The following THSD7B variants were observed in gnomAD, a reference collection of about 807,000 sequenced individuals.
THSD7B encodes thrombospondin type-1 domain-containing protein 7B.
In THSD7B, 138 loss-of-function variants were observed where a neutral mutation model predicts 213.6. The observed-to-expected ratio is 0.65, with a 90% CI of 0.56 to 0.74. The LOEUF is 0.74. Ranked by LOEUF, THSD7B falls within the 30% of genes least tolerant of loss-of-function variation. The pLI, the probability that THSD7B is intolerant of heterozygous loss-of-function variation, is 0.00. For synonymous variants in THSD7B, 742 were observed against 687.0 expected (o/e 1.08, Z -1.25); for missense variants, 1,931 against 1,991.5 (o/e 0.97, Z 0.58).
chr2:136,898,300 A>G (rs979556257), intron 2 of THSD7B, among the ~76,000 whole-genome samples: 1 of 152,204 alleles, frequency 6.6e-6, no homozygotes, highest in East Asian at 1.9e-4. Context: ...TTCAGTTTGA[A>G]TAGAGTTTTT....
chr2:136,779,194 ATATATGTGTGTG>A (rs1160237075), intron 1 of THSD7B, among the ~76,000 whole-genome samples: 29 of 76,690 alleles, frequency 3.8e-4, no homozygotes, highest in East Asian at 2.1e-3. Flanking sequence ...GGCTATATAT[ATATATGTGTGTG>A]TGTGTGTGTG....
intron 14 of THSD7B, among the ~76,000 whole-genome samples, chr2:137,434,665 C>G (rs77439907): frequency 0.034 from 5,180 of 152,276 alleles, 128 homozygotes; most frequent in Non-Finnish European, 0.048. Flanking sequence ...CACACTGAGT[C>G]TTTGCTTTAC....
At chr2:137,209,911 G>C (rs1681062973) in intron 7 of THSD7B, among the ~76,000 whole-genome samples, 1 of 151,628 alleles carries the variant, frequency 6.6e-6, no homozygotes, top group Non-Finnish European at 1.5e-5. Context: ...GGCTGTTAAG[G>C]TGAACCCTGT....
intron 12 of THSD7B, among the ~76,000 whole-genome samples, chr2:137,404,464 TATATATATATAC>T (rs1411999978): frequency 1.2e-3 from 87 of 74,338 alleles, no homozygotes; most frequent in East Asian, 3.6e-3. Context: ...TATATATATA[TATATATATATAC>T]ACACACACAC....
At chr2:137,015,974 A>G (rs747139400) in intron 2 of THSD7B, among the ~76,000 whole-genome samples, 5 of 152,192 alleles carry the variant, frequency 3.3e-5, no homozygotes, top group African/African-American at 7.2e-5. Context: ...CTTCTAGGAC[A>G]GCAGTGAATG....
At chr2:137,377,596 A>T (rs1005494038) in intron 12 of THSD7B, among the ~76,000 whole-genome samples, 4 of 151,348 alleles carry the variant, frequency 2.6e-5, no homozygotes, top group East Asian at 3.9e-4. Flanking sequence ...TAAATTATGA[A>T]TTTTTTTTGC....
At chr2:137,189,520 G>C (rs977768413) in intron 7 of THSD7B, among the ~76,000 whole-genome samples, 7 of 138,272 alleles carry the variant, frequency 5.1e-5, no homozygotes, top group African/African-American at 1.7e-4. Context: ...CTAGAGCTTC[G>C]TTCAAGTCTG....
chr2:136,891,509 A>G (rs1455507498), intron 2 of THSD7B, among the ~76,000 whole-genome samples: 1 of 152,226 alleles, frequency 6.6e-6, no homozygotes, highest in Admixed American at 6.5e-5. Context: ...AAGCAGCTGT[A>G]ACAAAGATGC....
intron 3 of THSD7B, among the ~76,000 whole-genome samples, chr2:137,089,842 T>C (rs566483859): frequency 5.3e-5 from 8 of 152,014 alleles, no homozygotes; most frequent in African/African-American, 1.9e-4. Context: ...AGCCCAGCTC[T>C]AATAAAAATA....
intron 1 of THSD7B, among the ~76,000 whole-genome samples, chr2:136,788,078 A>G (rs900231128): frequency 1.4e-4 from 21 of 152,228 alleles, no homozygotes; most frequent in Non-Finnish European, 5.9e-5. Flanking sequence ...GTTGAAGCCA[A>G]CTGGAGGGTA....
chr2:136,981,021 T>TG (rs1229116497), intron 2 of THSD7B, among the ~76,000 whole-genome samples: 2 of 152,140 alleles, frequency 1.3e-5, no homozygotes, highest in Non-Finnish European at 2.9e-5. Context: ...TATTCATTGT[T>TG]CTCGGTGGAG....
chr2:137,332,333 A>G (rs1382368470), intron 12 of THSD7B, among the ~76,000 whole-genome samples: 1 of 152,198 alleles, frequency 6.6e-6, no homozygotes, highest in African/African-American at 2.4e-5. Flanking sequence ...CTTGGATTTC[A>G]GACTTGCACC....
At chr2:137,593,756 T>C (rs1366981840) in intron 17 of THSD7B, among the ~76,000 whole-genome samples, 2 of 152,026 alleles carry the variant, frequency 1.3e-5, no homozygotes, top group Non-Finnish European at 1.5e-5. Context: ...TTTTTTGTGT[T>C]TTAGAAGTGG....
At chr2:136,879,218 A>G (rs1237235163) in intron 1 of THSD7B, among the ~76,000 whole-genome samples, 1 of 152,050 alleles carries the variant, frequency 6.6e-6, no homozygotes, top group Non-Finnish European at 1.5e-5. Flanking sequence ...TCAAAGATCA[A>G]ATAGTTGTAG....
At chr2:137,641,792 G>GT (rs1682942794) in intron 20 of THSD7B, among the ~76,000 whole-genome samples, 1 of 152,218 alleles carries the variant, frequency 6.6e-6, no homozygotes, top group Non-Finnish European at 1.5e-5. Flanking sequence ...TTGAACATAT[G>GT]TTTTTTAAAC....
At chr2:136,861,727 T>G (rs1305649261) in intron 1 of THSD7B, among the ~76,000 whole-genome samples, 1 of 152,248 alleles carries the variant, frequency 6.6e-6, no homozygotes, top group East Asian at 1.9e-4. Flanking sequence ...ATTGGTCATT[T>G]ATTATTGTAT....
chr2:137,026,101 T>G (rs1478986276), intron 2 of THSD7B, among the ~76,000 whole-genome samples: 1 of 152,182 alleles, frequency 6.6e-6, no homozygotes, highest in Non-Finnish European at 1.5e-5. Flanking sequence ...ATCCTCCTTC[T>G]AGCGCTAATA....
chr2:137,112,084 A>G (rs1178813961), intron 4 of THSD7B, among the ~76,000 whole-genome samples: 4 of 152,222 alleles, frequency 2.6e-5, no homozygotes, highest in African/African-American at 9.6e-5. Flanking sequence ...TCTAAAGGAG[A>G]AAGGGAGTAA....
intron 14 of THSD7B, among the ~76,000 whole-genome samples, chr2:137,437,006 C>T (rs537310535): frequency 2.0e-5 from 3 of 152,046 alleles, no homozygotes; most frequent in East Asian, 1.9e-4. Context: ...TAATTATTTC[C>T]AATAGCAGCA....
Sources: gnomAD v4.1 joint callset for allele counts (sites outside exome capture counted in the v4.1 genomes callset) on GRCh38, gnomAD v4.1.1 for gene constraint, MANE v1.5 for transcripts, NCBI Gene and HGNC (gene_info 2026-07-23, HGNC 2026-07-21) for gene names.